The following AK8 variants were observed in gnomAD, a reference collection of about 807,000 sequenced individuals.
The protein encoded by AK8 is ATP-AMP transphosphorylase 8.
In AK8, 44 loss-of-function variants were observed where a neutral mutation model predicts 54.6. The ratio of observed to expected loss-of-function variants is 0.81; its 90% CI spans 0.63 to 1.04. AK8 has a LOEUF of 1.04. AK8 is among the 50% of genes least tolerant of loss of function. The probability of loss-of-function intolerance (pLI) is 0.00; values close to 1 mark genes in which losing one functional copy is unlikely to be tolerated. For missense variants in AK8, 555 were observed against 613.6 expected (o/e 0.90, Z 1.01); for synonymous variants, 239 against 245.6 (o/e 0.97, Z 0.25).
intron 10 of AK8, among the ~76,000 whole-genome samples, chr9:132,795,720 C>T (rs1244659835): frequency 3.9e-5 from 6 of 152,122 alleles, no homozygotes; most frequent in Admixed American, 1.3e-4. Flanking sequence ...CTGAAGTTCA[C>T]GCTGTCTCGG....
chr9:132,780,217 A>G (rs1162155825), intron 11 of AK8, among the ~76,000 whole-genome samples: 1 of 152,140 alleles, frequency 6.6e-6, no homozygotes, highest in Non-Finnish European at 1.5e-5. Context: ...AGCAGAGAGG[A>G]AGTTGAGAAA....
chr9:132,856,078 G>T (rs1052419072), intron 4 of AK8, among the ~76,000 whole-genome samples: 1 of 152,210 alleles, frequency 6.6e-6, no homozygotes. Flanking sequence ...TGGGGAGGAA[G>T]CAACTCTTCT....
chr9:132,875,118 T>C lies in AK8; in HGVS notation c.166A>G (p.Asn56Asp). ...AAGAGCCCCAGCCAGTGCTCACCAT[T>C]GTCGTTGTCTCTATGCAAGTGCTGG... ...MIQHLHRDND[N>D]VPRIVILGPP... The change falls in exon 2 of 13, where the codon AAT becomes GAT. Residue 56 changes from asparagine (N) to aspartate (D), a missense_variant. By Grantham distance (23) the Asn-to-Asp change is conservative (BLOSUM62 1). Coordinates refer to ENST00000298545, the MANE Select transcript of AK8 (RefSeq NM_152572.3). The C allele has an allele frequency of 6.2e-7, 1 of 1,613,968 alleles. No homozygotes were observed. Among genetic ancestry groups the C allele is most frequent in the African/African-American group, 1.3e-5 (1 of 75,010 alleles).
intron 10 of AK8, among the ~76,000 whole-genome samples, chr9:132,809,877 G>A (rs764516267): frequency 9.2e-5 from 14 of 152,382 alleles, no homozygotes; most frequent in Middle Eastern, 3.4e-3. Context: ...TCATAAATAA[G>A]CAGGCTGTGG....
At chr9:132,816,124 C>T (rs1397922570) in intron 9 of AK8, among the ~76,000 whole-genome samples, 8 of 152,000 alleles carry the variant, frequency 5.3e-5, no homozygotes, top group South Asian at 2.1e-4. Context: ...GAGGCCAAGG[C>T]GGGAGGATCA....
intron 5 of AK8, among the ~76,000 whole-genome samples, chr9:132,831,657 C>T (rs903205607): frequency 2.0e-5 from 3 of 151,390 alleles, no homozygotes; most frequent in South Asian, 2.1e-4. Context: ...GGTCAGATGA[C>T]GGACTGACAT....
intron 8 of AK8, among the ~76,000 whole-genome samples, chr9:132,824,305 C>A (rs965432130): frequency 6.6e-6 from 1 of 152,226 alleles, no homozygotes; most frequent in Non-Finnish European, 1.5e-5. Flanking sequence ...GGGAGACCTT[C>A]CCCCTCCTGC....
intron 11 of AK8, among the ~76,000 whole-genome samples, chr9:132,748,868 T>C (rs972042395): frequency 2.6e-5 from 4 of 151,728 alleles, no homozygotes; most frequent in African/African-American, 9.7e-5. Flanking sequence ...AGTGGCTAAG[T>C]TGTGTTTGTT....
At chr9:132,868,976 C>T (rs889344137) in intron 2 of AK8, among the ~76,000 whole-genome samples, 10 of 152,056 alleles carry the variant, frequency 6.6e-5, no homozygotes, top group African/African-American at 2.4e-4. Flanking sequence ...GTCAGGAGTT[C>T]GAGACCAGCC....
intron 4 of AK8, among the ~76,000 whole-genome samples, chr9:132,862,141 C>T (rs188994015): frequency 4.6e-5 from 7 of 152,262 alleles, no homozygotes; most frequent in Admixed American, 2.0e-4. Flanking sequence ...ATTCCCAGCC[C>T]GAAAGGCTGG....
chr9:132,853,280 C>T (rs1324022742), intron 5 of AK8, among the ~76,000 whole-genome samples: 1 of 150,480 alleles, frequency 6.6e-6, no homozygotes, highest in Non-Finnish European at 1.5e-5. Flanking sequence ...ATCGCTCAAA[C>T]CTGGGAGGTG....
At chr9:132,872,839 T>C (rs1843910180) in intron 2 of AK8, among the ~76,000 whole-genome samples, 1 of 152,152 alleles carries the variant, frequency 6.6e-6, no homozygotes, top group African/African-American at 2.4e-5. Flanking sequence ...AGAGACAGAG[T>C]CTCGCTCTTT....
intron 3 of AK8, among the ~76,000 whole-genome samples, chr9:132,865,156 T>C (rs1365842970): frequency 1.3e-5 from 2 of 152,178 alleles, no homozygotes; most frequent in Non-Finnish European, 2.9e-5. Context: ...AGCAAAATGG[T>C]TGGACTCAGG....
At chr9:132,796,593 T>C (rs1441672605) in intron 10 of AK8, among the ~76,000 whole-genome samples, 1 of 152,280 alleles carries the variant, frequency 6.6e-6, no homozygotes, top group East Asian at 1.9e-4. Flanking sequence ...AATAGAATAT[T>C]AGACAACCTT....
At chr9:132,755,133 T>C (rs947681927) in intron 11 of AK8, among the ~76,000 whole-genome samples, 1 of 152,204 alleles carries the variant, frequency 6.6e-6, no homozygotes, top group African/African-American at 2.4e-5. Context: ...TCCCTTCTTT[T>C]AGCTGACAGG....
At chr9:132,793,745 G>A (rs901224723) in intron 10 of AK8, among the ~76,000 whole-genome samples, 1 of 152,168 alleles carries the variant, frequency 6.6e-6, no homozygotes, top group African/African-American at 2.4e-5. Context: ...AATGTACTGC[G>A]TTCTAGCAAT....
chr9:132,861,872 A>G (rs1843402332), intron 4 of AK8, among the ~76,000 whole-genome samples: 1 of 152,168 alleles, frequency 6.6e-6, no homozygotes, highest in Non-Finnish European at 1.5e-5. Flanking sequence ...ATGAGGCCTG[A>G]CATCCAGGCC....
Position 132,799,378 on chromosome 9 carries a change from G to A in AK8, c.980-6603C>T, listed in dbSNP as rs562067214. ...TGCTAAGGTTGATTGCTAGACTCAC[G>A]ACAAGCCATGTGAGCCTCCTTGGCA... On this transcript the variant is annotated intron_variant, in intron 10 of 12. Coordinates refer to ENST00000298545, the MANE Select transcript of AK8 (RefSeq NM_152572.3). This position sits in a 1 kb window ranked among gnomAD's most constrained non-coding sequence, Gnocchi z 5.0. Among the ~76,000 whole-genome samples, 2 of 152,196 alleles carry A rather than the reference G, an allele frequency of 1.3e-5. No homozygotes were observed. The highest frequency in any genetic ancestry group is 2.4e-5 in the African/African-American group (1 of 41,504).
intron 9 of AK8, among the ~76,000 whole-genome samples, chr9:132,819,045 C>T (rs562787141): frequency 7.2e-4 from 109 of 152,188 alleles, no homozygotes; most frequent in African/African-American, 2.6e-3. Flanking sequence ...GGAAAAGCAA[C>T]ATTTCCTAGC....
Sources: allele counts gnomAD v4.1 joint callset (sites outside exome capture counted in the v4.1 genomes callset), GRCh38; gene constraint gnomAD v4.1.1; non-coding constraint Gnocchi (gnomAD v3.1); transcripts MANE v1.5; gene names NCBI Gene and HGNC (gene_info 2026-07-23, HGNC 2026-07-21).